The following SLC35D4 variants were observed in gnomAD, a reference collection of about 807,000 sequenced individuals.
The protein encoded by SLC35D4 is solute carrier family 35 member D4, also known as UDP-N-acetylglucosamine transporter SLC35D4.
chr18:23,354,345 C>CAAAAAAAAA, the SLC35D4 span, among the ~76,000 whole-genome samples: 375 of 98,354 alleles, frequency 3.8e-3, no homozygotes, highest in Middle Eastern at 7.2e-3. Context: ...ACTAAAAATA[C>CAAAAAAAAA]AAAAAAAAAA....
the SLC35D4 span, among the ~76,000 whole-genome samples, chr18:23,286,978 C>T: frequency 1.7e-4 from 25 of 150,654 alleles, no homozygotes; most frequent in African/African-American, 4.2e-4. Context: ...CCCTCCTTGG[C>T]GACTGATCAT....
At chr18:23,273,369 A>C in the SLC35D4 span, among the ~76,000 whole-genome samples, 2 of 152,202 alleles carry the variant, frequency 1.3e-5, no homozygotes, top group African/African-American at 4.8e-5. Context: ...TGGGACGGTG[A>C]ATGAGCTCAC....
At chr18:23,322,222 G>A in the SLC35D4 span, among the ~76,000 whole-genome samples, 8 of 152,168 alleles carry the variant, frequency 5.3e-5, no homozygotes, top group Non-Finnish European at 8.8e-5. Context: ...CCATCTCCAC[G>A]TGTTGTGGTT....
the SLC35D4 span, among the ~76,000 whole-genome samples, chr18:23,416,332 C>T: frequency 6.6e-6 from 1 of 152,204 alleles, no homozygotes; most frequent in Admixed American, 6.5e-5. Context: ...CACTCTCCAG[C>T]CCCACCATTA....
chr18:23,385,165 C>A, the SLC35D4 span: 1 of 1,157,088 alleles, frequency 8.6e-7, no homozygotes, highest in Non-Finnish European at 1.2e-6. Context: ...GCTGTGGAAA[C>A]TTTTGGCATC....
chr18:23,292,038 A>G, the SLC35D4 span, among the ~76,000 whole-genome samples: 3 of 152,244 alleles, frequency 2.0e-5, no homozygotes, highest in Non-Finnish European at 4.4e-5. Flanking sequence ...CTTCCAGCCA[A>G]TTCCATATCC....
chr18:23,238,523 T>G, the SLC35D4 span, among the ~76,000 whole-genome samples: 1 of 152,222 alleles, frequency 6.6e-6, no homozygotes, highest in African/African-American at 2.4e-5. Context: ...CATGTATAAT[T>G]ACTTTTCTTC....
the SLC35D4 span, among the ~76,000 whole-genome samples, chr18:23,267,487 T>C: frequency 1.3e-5 from 2 of 151,684 alleles, no homozygotes; most frequent in East Asian, 3.9e-4. Flanking sequence ...CTGCCCCCAA[T>C]CTTCTCAATA....
chr18:23,337,226 C>A, the SLC35D4 span, among the ~76,000 whole-genome samples: 2 of 152,136 alleles, frequency 1.3e-5, no homozygotes, highest in Non-Finnish European at 2.9e-5. Flanking sequence ...GTAATCCCAG[C>A]ACTTTGGGAG....
the SLC35D4 span, among the ~76,000 whole-genome samples, chr18:23,264,147 T>C: frequency 9.2e-5 from 14 of 152,238 alleles, no homozygotes; most frequent in African/African-American, 1.4e-4. Context: ...AGAGAGTTCT[T>C]GCATTGCTAT....
At chr18:23,307,252 T>C in the SLC35D4 span, among the ~76,000 whole-genome samples, 1 of 152,260 alleles carries the variant, frequency 6.6e-6, no homozygotes, top group Admixed American at 6.5e-5. Flanking sequence ...ATAGCATGCA[T>C]TACTCTATTG....
At chr18:23,287,528 T>C in the SLC35D4 span, among the ~76,000 whole-genome samples, 13 of 152,324 alleles carry the variant, frequency 8.5e-5, no homozygotes, top group South Asian at 2.7e-3. Context: ...GCTGATCATG[T>C]CCGACTAATC....
At chr18:23,322,338 T>C in the SLC35D4 span, among the ~76,000 whole-genome samples, 1 of 152,226 alleles carries the variant, frequency 6.6e-6, no homozygotes, top group Non-Finnish European at 1.5e-5. Context: ...TGTTTCCCAC[T>C]TACTATTCCT....
chr18:23,327,066 T>G, the SLC35D4 span, among the ~76,000 whole-genome samples: 1 of 152,222 alleles, frequency 6.6e-6, no homozygotes, highest in Non-Finnish European at 1.5e-5. Flanking sequence ...GAGGGAAATT[T>G]ATAGCACTAA....
chr18:23,404,757 G>A, the SLC35D4 span, among the ~76,000 whole-genome samples: 1 of 150,540 alleles, frequency 6.6e-6, no homozygotes, highest in African/African-American at 2.4e-5. Flanking sequence ...GGAGGCCGAG[G>A]CAGGCAGATT....
the SLC35D4 span, among the ~76,000 whole-genome samples, chr18:23,299,141 C>T: frequency 4.6e-5 from 7 of 152,304 alleles, no homozygotes; most frequent in African/African-American, 1.4e-4. Flanking sequence ...CAAGCTCTGG[C>T]GCAGGCATTT....
the SLC35D4 span, among the ~76,000 whole-genome samples, chr18:23,286,840 C>G: frequency 6.6e-6 from 1 of 152,128 alleles, no homozygotes; most frequent in African/African-American, 2.4e-5. Context: ...ACTAAATTAT[C>G]TGCTTCCCTG....
At chr18:23,260,748 C>A in the SLC35D4 span, among the ~76,000 whole-genome samples, 2 of 152,118 alleles carry the variant, frequency 1.3e-5, no homozygotes, top group African/African-American at 4.8e-5. Context: ...GTCACCTCCC[C>A]GGGGCTGTTG....
the SLC35D4 span, among the ~76,000 whole-genome samples, chr18:23,311,319 T>C: frequency 1.4e-5 from 2 of 144,698 alleles, no homozygotes; most frequent in African/African-American, 5.1e-5. Context: ...CTTGAACTCC[T>C]GGGCTCAAGC....
Sources: allele counts gnomAD v4.1 joint callset (sites outside exome capture counted in the v4.1 genomes callset), GRCh38; gene constraint gnomAD v4.1.1; transcripts MANE v1.5; gene names NCBI Gene and HGNC (gene_info 2026-07-23, HGNC 2026-07-21).